GLRB: variants seen among roughly 807,000 people sequenced by gnomAD.
GLRB encodes the protein glycine receptor subunit beta.
GLRB carries 33 observed loss-of-function variants against 54.2 expected under a neutral mutation model. The observed-to-expected ratio is 0.61, with a 90% CI of 0.46 to 0.81. The LOEUF (loss-of-function observed/expected upper bound fraction) is 0.81. GLRB is among the 40% of genes least tolerant of loss of function. The pLI is 0.00. For synonymous variants in GLRB, 209 were observed against 208.2 expected (o/e 1.00, Z -0.03); for missense variants, 572 against 584.6 (o/e 0.98, Z 0.22).
rs1174465970 is a variant in GLRB at position 157,076,201 on chromosome 4, C to T, written c.-126C>T. The T allele has an allele frequency of 2.0e-5, 3 of 150,316 alleles. No homozygotes were observed. The highest frequency in any genetic ancestry group is 4.4e-5 in the Non-Finnish European group (3 of 67,494). The allele number at this position is 150,316 out of a possible 1,614,324, so 9.3% of individuals were successfully genotyped here. On this transcript the variant is annotated 5_prime_UTR_variant, in exon 1 of 10. Transcript: ENST00000264428. Reference sequence around the variant, plus strand: ...GCGCGGGCGGCTGGGACGCAGCTGCCCCCGCTCGGCGCCCGCTGCACCCTT... The same window carrying T: ...GCGCGGGCGGCTGGGACGCAGCTGCTCCCGCTCGGCGCCCGCTGCACCCTT...
chr4:157,101,819 G>A (rs561696873), intron 2 of GLRB, among the ~76,000 whole-genome samples: 2 of 149,310 alleles, frequency 1.3e-5, no homozygotes, highest in African/African-American at 4.9e-5. Flanking sequence ...TTTTTGGTGG[G>A]GGGGAGGGTT....
chr4:157,085,908 C>T (rs1734393968), intron 2 of GLRB, among the ~76,000 whole-genome samples: 1 of 152,144 alleles, frequency 6.6e-6, no homozygotes, highest in Non-Finnish European at 1.5e-5. Flanking sequence ...GGCTCCCTAA[C>T]TTATATTTCT....
chr4:157,148,899 T>C (rs1736915824), intron 8 of GLRB, among the ~76,000 whole-genome samples: 3 of 152,104 alleles, frequency 2.0e-5, no homozygotes, highest in South Asian at 4.1e-4. Context: ...TGGTTATTGT[T>C]ATTGGTGAGA....
chr4:157,159,286 A>G (rs1320875677), intron 9 of GLRB, among the ~76,000 whole-genome samples: 1 of 152,198 alleles, frequency 6.6e-6, no homozygotes, highest in East Asian at 1.9e-4. Flanking sequence ...AACAGGGACA[A>G]CTTGACTTCC....
At chr4:157,161,246 C>T (rs1737475909) in intron 9 of GLRB, among the ~76,000 whole-genome samples, 1 of 152,166 alleles carries the variant, frequency 6.6e-6, no homozygotes, top group Admixed American at 6.5e-5. Context: ...GATGGGTCTC[C>T]TGAATACAGC....
intron 9 of GLRB, among the ~76,000 whole-genome samples, chr4:157,160,528 T>G (rs1406388822): frequency 6.6e-6 from 1 of 152,146 alleles, no homozygotes; most frequent in African/African-American, 2.4e-5. Context: ...TCTGGTATGT[T>G]GTGTCTTTGT....
chr4:157,166,610 G>A (rs1269531424), intron 9 of GLRB, among the ~76,000 whole-genome samples: 1 of 151,916 alleles, frequency 6.6e-6, no homozygotes, highest in East Asian at 1.9e-4. Flanking sequence ...AATTACTTCT[G>A]TAATAGAGGT....
chr4:157,143,429 CT>C lies in GLRB; in HGVS notation c.752-375del, dbSNP rs573209073. Among the ~76,000 whole-genome samples the C allele has an allele frequency of 2.0e-4, 30 of 151,852 alleles. No individual in the cohort carries two copies. The South Asian group carries it at 5.2e-3, about 26-fold the overall frequency. ...GTGTTTCTTTTTAAGATTTGTTCTA[CT>C]TTGATTTACTACTGCCTGTATGACT... On this transcript the variant is annotated intron_variant, in intron 7 of 9. Coordinates refer to ENST00000264428, the MANE Select transcript of GLRB (RefSeq NM_000824.5).
intron 7 of GLRB, among the ~76,000 whole-genome samples, chr4:157,142,123 G>T (rs1253337102): frequency 1.3e-5 from 2 of 152,030 alleles, no homozygotes; most frequent in African/African-American, 2.4e-5. Context: ...TGTAGCAATT[G>T]TACTTATGAA....
At chr4:157,122,502 C>G in intron 4 of GLRB, 105 bp downstream of exon 4, 1 of 471,942 alleles carries the variant, frequency 2.1e-6, no homozygotes, top group East Asian at 3.3e-5. Context: ...TAATCCATGC[C>G]CTTTCCTAGT....
chr4:157,121,980 T>C (rs1209278228), intron 3 of GLRB, among the ~76,000 whole-genome samples: 2 of 151,628 alleles, frequency 1.3e-5, no homozygotes, highest in East Asian at 3.9e-4. Flanking sequence ...AAAATGATTC[T>C]TTAAGAATAA....
chr4:157,163,212 C>G (rs7688551), intron 9 of GLRB, among the ~76,000 whole-genome samples: 6,911 of 152,108 alleles, frequency 0.045, 244 homozygotes, highest in African/African-American at 0.097. Context: ...GGGAGTGTCC[C>G]GATTTTCCAG....
At chr4:157,162,014 G>A (rs1737515784) in intron 9 of GLRB, among the ~76,000 whole-genome samples, 1 of 152,128 alleles carries the variant, frequency 6.6e-6, no homozygotes, top group Admixed American at 6.5e-5. Context: ...ATATTTCTTG[G>A]AGGCTTTGTT....
chr4:157,144,879 T>C (rs1419701053), intron 8 of GLRB, among the ~76,000 whole-genome samples: 3 of 152,326 alleles, frequency 2.0e-5, no homozygotes, highest in African/African-American at 7.2e-5. Context: ...AATGGCAATG[T>C]CATCTGAAGA....
At chr4:157,095,580 A>G (rs1055562225) in intron 2 of GLRB, among the ~76,000 whole-genome samples, 6 of 152,184 alleles carry the variant, frequency 3.9e-5, no homozygotes, top group African/African-American at 1.4e-4. Context: ...AAGTAAAGAT[A>G]TCTGAGAAGT....
At chr4:157,139,458 C>T (rs537030303) in intron 7 of GLRB, among the ~76,000 whole-genome samples, 1 of 152,116 alleles carries the variant, frequency 6.6e-6, no homozygotes, top group Admixed American at 6.5e-5. Context: ...CCTGTACAGT[C>T]TTCTTGACCT....
intron 2 of GLRB, among the ~76,000 whole-genome samples, chr4:157,112,406 G>A (rs76035895): frequency 0.043 from 6,563 of 151,888 alleles, 154 homozygotes; most frequent in African/African-American, 0.06. Flanking sequence ...GAAATTCTCT[G>A]AAACTGTTAA....
chr4:157,148,738 A>AT (rs1736908073), intron 8 of GLRB, among the ~76,000 whole-genome samples: 3 of 152,048 alleles, frequency 2.0e-5, no homozygotes, highest in South Asian at 4.2e-4. Flanking sequence ...GTGTGTTGAG[A>AT]TTTTTTTTAA....
rs189606728 is a variant in GLRB at position 157,157,042 on chromosome 4, C to A, written c.1197+4032C>A. 8.0e-4 allele frequency among the ~76,000 whole-genome samples: 122 copies of A among 152,200 alleles called. 1 individual carries two copies. Among genetic ancestry groups the A allele is most frequent in the Non-Finnish European group, 1.6e-4 (11 of 67,996 alleles). On this transcript the variant is annotated intron_variant, in intron 9 of 9. Transcript: ENST00000264428. ...GGTAGAGCTCCTTGATACTGCTGGG[C>A]GAGATTGGGGGTCACCAGTTCCCCA...
Sources: gnomAD v4.1 joint callset for allele counts (sites outside exome capture counted in the v4.1 genomes callset) on GRCh38, gnomAD v4.1.1 for gene constraint, MANE v1.5 for transcripts, NCBI Gene and HGNC (gene_info 2026-07-23, HGNC 2026-07-21) for gene names.